CACNA1D: variants seen among roughly 807,000 people sequenced by gnomAD.
CACNA1D encodes the protein calcium voltage-gated channel subunit alpha1 D.
CACNA1D carries 55 observed loss-of-function variants against 257.1 expected under a neutral mutation model. That is an observed-to-expected ratio of 0.21 (90% CI 0.17 to 0.27). CACNA1D has a LOEUF of 0.27. Ranked by LOEUF, CACNA1D falls within the 10% of genes least tolerant of loss-of-function variation. The probability of loss-of-function intolerance (pLI) is 1.00; values close to 1 mark genes in which losing one functional copy is unlikely to be tolerated. For synonymous variants in CACNA1D, 980 were observed against 1,014.9 expected (o/e 0.97, Z 0.65); for missense variants, 1,876 against 2,784.0 (o/e 0.67, Z 7.34).
chr3:53,520,900 T>TTTC (rs879622099), intron 3 of CACNA1D, among the ~76,000 whole-genome samples: 8,456 of 97,860 alleles, frequency 0.086, 365 homozygotes, highest in East Asian at 0.18. Flanking sequence ...CTTTCTTTTC[T>TTTC]TTTCTTTTCT....
Position 53,494,714 on chromosome 3 carries a change from G to C in CACNA1D, c.-453G>C, listed in dbSNP as rs2090274693. 6.8e-6 allele frequency: 1 copy of C among 146,166 alleles called. No individual in the cohort carries two copies. The highest frequency in any genetic ancestry group is 1.5e-5 in the Non-Finnish European group (1 of 65,546). The allele number at this position is 146,166 out of a possible 1,614,324, so 9.1% of individuals were successfully genotyped here. ...GGCTGCCCGCGGTCCCGAGCCAGCG[G>C]CGGCGCGGGCGGCGGCGGCGGGCAC... On this transcript the variant is annotated 5_prime_UTR_variant, in exon 1 of 48. Transcript: ENST00000350061.
chr3:53,785,953 A>G (rs2095450479), intron 39 of CACNA1D: 1 of 152,284 alleles, frequency 6.6e-6, no homozygotes, highest in Non-Finnish European at 1.5e-5. Flanking sequence ...CGGAGTACTA[A>G]AGTGGTCACA....
chr3:53,604,542 C>T (rs1199827764), intron 3 of CACNA1D, among the ~76,000 whole-genome samples: 5 of 152,052 alleles, frequency 3.3e-5, no homozygotes, highest in Middle Eastern at 3.4e-3. Flanking sequence ...CTCCCTGTAG[C>T]TCAGAAACCT....
At chr3:53,680,068 G>T (rs2094414893) in intron 8 of CACNA1D, among the ~76,000 whole-genome samples, 1 of 152,172 alleles carries the variant, frequency 6.6e-6, no homozygotes, top group African/African-American at 2.4e-5. Context: ...TGGTGCTGTT[G>T]GTACCATGGT....
rs539096505 is a variant in CACNA1D at position 53,608,354 on chromosome 3, A to G, written c.484-42425A>G. Among the ~76,000 whole-genome samples the G allele has an allele frequency of 4.6e-5, 7 of 152,292 alleles. No homozygotes were observed. The East Asian group carries it at 1.2e-3, about 25-fold the overall frequency. On this transcript the variant is annotated intron_variant, in intron 3 of 47. Transcript: ENST00000350061. Reference sequence around the variant, plus strand: ...TGACTCTGTATCCCATAACCTTGTAAACTCATTTCTTAGTTACTTTTTCGG... The same window carrying G: ...TGACTCTGTATCCCATAACCTTGTAGACTCATTTCTTAGTTACTTTTTCGG...
At chr3:53,780,268 A>G (rs975758812) in intron 38 of CACNA1D, 140 bp downstream of exon 38, 1 of 720,848 alleles carries the variant, frequency 1.4e-6, no homozygotes, top group Non-Finnish European at 2.5e-6. Context: ...GAAGATGTCC[A>G]TGCTGGGCTT....
intron 3 of CACNA1D, among the ~76,000 whole-genome samples, chr3:53,567,930 T>C (rs2092875389): frequency 6.6e-6 from 1 of 152,204 alleles, no homozygotes; most frequent in Non-Finnish European, 1.5e-5. Context: ...TGTAGGTTTC[T>C]TTCTGACTGA....
intron 3 of CACNA1D, among the ~76,000 whole-genome samples, chr3:53,602,809 CT>C (rs1559902869): frequency 6.6e-6 from 1 of 152,114 alleles, no homozygotes; most frequent in Non-Finnish European, 1.5e-5. Context: ...TTTTTTCCCC[CT>C]ATTGAGTTGT....
intron 4 of CACNA1D, among the ~76,000 whole-genome samples, chr3:53,657,272 A>C (rs2094156924): frequency 6.6e-6 from 1 of 152,154 alleles, no homozygotes; most frequent in African/African-American, 2.4e-5. Context: ...GAGCAAAAGA[A>C]GATGAGCCAG....
intron 19 of CACNA1D, among the ~76,000 whole-genome samples, chr3:53,734,323 A>G (rs564681332): frequency 6.6e-6 from 1 of 151,828 alleles, no homozygotes; most frequent in African/African-American, 2.4e-5. Context: ...GTATATATAC[A>G]TATACACACG....
chr3:53,651,061 C>T, intron 4 of CACNA1D, 143 bp downstream of exon 4: 2 of 733,838 alleles, frequency 2.7e-6, no homozygotes, highest in Non-Finnish European at 4.7e-6. Flanking sequence ...CTCAGGAGTT[C>T]TTTTAAGGCT....
chr3:53,539,476 A>G lies in CACNA1D; in HGVS notation c.483+37756A>G, dbSNP rs116095649. 3.4e-3 allele frequency among the ~76,000 whole-genome samples: 525 copies of G among 152,274 alleles called. 3 individuals are homozygous for G. The highest frequency in any genetic ancestry group is 0.012 in the African/African-American group (501 of 41,562). On this transcript the variant is annotated intron_variant, in intron 3 of 47. Transcript: ENST00000350061. ...TTCATTTGTTTTCATTTTCTTTGCA[A>G]TATGATACTCCATTGGATGAGTAGA...
At chr3:53,553,978 T>C (rs888249855) in intron 3 of CACNA1D, among the ~76,000 whole-genome samples, 72 of 151,592 alleles carry the variant, frequency 4.7e-4, no homozygotes, top group Non-Finnish European at 6.6e-4. Flanking sequence ...GGGCAGATCA[T>C]GAGGTCAGGA....
At chr3:53,707,348 G>A (rs1341231059) in intron 9 of CACNA1D, among the ~76,000 whole-genome samples, 2 of 152,030 alleles carry the variant, frequency 1.3e-5, no homozygotes, top group Non-Finnish European at 2.9e-5. Context: ...TGAAGCTAGG[G>A]TTCAGAACTC....
intron 3 of CACNA1D, among the ~76,000 whole-genome samples, chr3:53,515,785 A>G (rs2091309404): frequency 6.6e-6 from 1 of 152,222 alleles, no homozygotes; most frequent in Admixed American, 6.5e-5. Flanking sequence ...TCATAGCATT[A>G]TTAATAGTCA....
chr3:53,513,088 G>A (rs192025145), intron 3 of CACNA1D, among the ~76,000 whole-genome samples: 172 of 152,276 alleles, frequency 1.1e-3, no homozygotes, highest in Non-Finnish European at 1.6e-4. Flanking sequence ...GTTTTTGTGT[G>A]GTTAGCTTGC....
At chr3:53,684,100 T>C (rs1001087523) in intron 8 of CACNA1D, among the ~76,000 whole-genome samples, 2 of 152,206 alleles carry the variant, frequency 1.3e-5, no homozygotes, top group African/African-American at 4.8e-5. Context: ...TTTGCAGATA[T>C]AGTGCAAGTT....
At chr3:53,523,390 T>TGG (rs2091650253) in intron 3 of CACNA1D, among the ~76,000 whole-genome samples, 1 of 152,208 alleles carries the variant, frequency 6.6e-6, no homozygotes, top group Admixed American at 6.5e-5. Context: ...ATCTTAGTGA[T>TGG]GGGAGATACT....
At chr3:53,685,053 T>C (rs1303800830) in intron 8 of CACNA1D, among the ~76,000 whole-genome samples, 6 of 152,074 alleles carry the variant, frequency 3.9e-5, no homozygotes, top group Non-Finnish European at 8.8e-5. Flanking sequence ...AATAATTGCA[T>C]TGGACGAAAA....
Sources: gnomAD v4.1 joint callset for allele counts (sites outside exome capture counted in the v4.1 genomes callset) on GRCh38, gnomAD v4.1.1 for gene constraint, MANE v1.5 for transcripts, NCBI Gene and HGNC (gene_info 2026-07-23, HGNC 2026-07-21) for gene names.